RASGEF1A: variants seen among roughly 807,000 people sequenced by gnomAD.
RASGEF1A encodes RasGEF domain family member 1A.
A neutral mutation model predicts 56.4 loss-of-function variants in RASGEF1A; 18 were observed. The observed-to-expected ratio is 0.32, with a 90% CI of 0.22 to 0.47. The LOEUF is 0.47. Ranked by LOEUF, RASGEF1A falls within the 20% of genes least tolerant of loss-of-function variation. RASGEF1A has a pLI of 1.00. For missense variants in RASGEF1A, 422 were observed against 627.1 expected, an observed-to-expected ratio of 0.67 and a Z score of 3.49; for synonymous variants, 245 against 242.6, an observed-to-expected ratio of 1.01 and a Z score of -0.09.
intron 1 of RASGEF1A, among the ~76,000 whole-genome samples, chr10:43,234,374 G>C (rs1840406622): frequency 6.6e-6 from 1 of 152,116 alleles, no homozygotes; most frequent in Non-Finnish European, 1.5e-5. Context: ...AGGCAGAGTT[G>C]GGGCAAACCC....
intron 1 of RASGEF1A, among the ~76,000 whole-genome samples, chr10:43,238,735 T>C (rs1408038729): frequency 6.6e-6 from 1 of 152,112 alleles, no homozygotes; most frequent in Non-Finnish European, 1.5e-5. Flanking sequence ...GTCAGGCTGG[T>C]AGGGCATGTG....
intron 1 of RASGEF1A, among the ~76,000 whole-genome samples, chr10:43,239,600 G>T (rs1272213895): frequency 6.6e-6 from 1 of 152,170 alleles, no homozygotes; most frequent in Non-Finnish European, 1.5e-5. Flanking sequence ...TCCCATCCCT[G>T]ACTCTCTATC....
rs1839770006 is a variant in RASGEF1A, at chr10:43,194,631, C to CAA, written c.*1611_*1612dup. The CAA allele has an allele frequency of 1.3e-5, 2 of 152,228 alleles. No individual in the cohort carries two copies. Among genetic ancestry groups the CAA allele is most frequent in the African/African-American group, 2.4e-5 (1 of 41,436 alleles). 9.4% of individuals were successfully genotyped at this position (152,228 alleles called of 1,614,324 possible). A position where few individuals can be genotyped will look rare whatever the true frequency, so the allele number is the denominator to read the frequency against. On this transcript the variant is annotated 3_prime_UTR_variant, in exon 13 of 13. Coordinates refer to ENST00000395810, the MANE Select transcript of RASGEF1A (RefSeq NM_145313.4). Reference sequence around the variant, plus strand: ...ACAGCTTCATACTCAGAGTTCATCTCAAATACCAAAACATCAAATCAGGGT... The same window carrying CAA: ...ACAGCTTCATACTCAGAGTTCATCTCAAAAATACCAAAACATCAAATCAGGGT...
chr10:43,242,263 C>T (rs78033861), intron 1 of RASGEF1A, among the ~76,000 whole-genome samples: 7,064 of 152,136 alleles, frequency 0.046, 184 homozygotes, highest in South Asian at 0.089. Flanking sequence ...AAAATTGTTA[C>T]TAGAGACAAA....
chr10:43,200,369 C>T (rs960982218), intron 5 of RASGEF1A, 113 bp from the exon 6 acceptor site: 28 of 907,832 alleles, frequency 3.1e-5, no homozygotes, highest in Admixed American at 1.9e-4. Flanking sequence ...AGGACCTTCA[C>T]CTCCTCCCAG....
chr10:43,206,141 G>A lies in RASGEF1A; in HGVS notation c.-6-19C>T, dbSNP rs2133189848. 1 of 1,552,118 alleles carries A rather than the reference G, an allele frequency of 6.4e-7. No homozygotes were observed. The highest frequency in any genetic ancestry group is 1.4e-5 in the African/African-American group (1 of 73,596). On this transcript the variant is annotated intron_variant, in intron 1 of 12. Coordinates refer to ENST00000395810, the MANE Select transcript of RASGEF1A (RefSeq NM_145313.4). Reference sequence around the variant, plus strand: ...TAGTTTCCTGGGAGAAAAGAGCAAGGACATGAGGCATCAAAGGCGCCTCCA... The same window carrying A: ...TAGTTTCCTGGGAGAAAAGAGCAAGAACATGAGGCATCAAAGGCGCCTCCA...
chr10:43,220,818 A>G (rs80011065), intron 1 of RASGEF1A, among the ~76,000 whole-genome samples: 7,113 of 151,884 alleles, frequency 0.047, 186 homozygotes, highest in South Asian at 0.088. Context: ...ACTTATGACA[A>G]GTAACTCAGC....
At chr10:43,202,788 C>T in intron 3 of RASGEF1A, 1 of 456,420 alleles carries the variant, frequency 2.2e-6, no homozygotes. Context: ...GGACCCAACC[C>T]ACAGCTCCAG....
rs1839784039 is a variant in RASGEF1A at position 43,195,557 on chromosome 10, ATT to A, written c.*685_*686del. The A allele has an allele frequency of 1.3e-5, 2 of 152,522 alleles. No homozygotes were observed. The highest frequency in any genetic ancestry group is 4.8e-5 in the African/African-American group (2 of 41,442). 9.4% of individuals were successfully genotyped at this position (152,522 alleles called of 1,614,324 possible). A position where few individuals can be genotyped will look rare whatever the true frequency, so the allele number is the denominator to read the frequency against. The stretch of plus-strand genomic sequence containing the variant: ...CTTTCTAAAATGTAGTTGAAGAATG[ATT>A]TGCTGGACACATTGTCACAGAAAAT... On this transcript the variant is annotated 3_prime_UTR_variant, in exon 13 of 13. Coordinates refer to ENST00000395810, the MANE Select transcript of RASGEF1A (RefSeq NM_145313.4). The surrounding 1 kb of genome is among the most constrained non-coding windows in gnomAD (Gnocchi z 4.2).
At chr10:43,261,846 C>T (rs1348560646) in intron 1 of RASGEF1A, among the ~76,000 whole-genome samples, 2 of 152,216 alleles carry the variant, frequency 1.3e-5, no homozygotes, top group Admixed American at 6.5e-5. Flanking sequence ...CTCAGAGCAC[C>T]GGCCAGAAAA....
chr10:43,253,714 C>T (rs1840652793), intron 1 of RASGEF1A, among the ~76,000 whole-genome samples: 1 of 152,232 alleles, frequency 6.6e-6, no homozygotes, highest in Non-Finnish European at 1.5e-5. Flanking sequence ...ATTCTACCAA[C>T]AGACACCTGC....
At position 43,203,458 on chromosome 10, in the gene RASGEF1A, G is replaced by A. The variant is rs770498790; in HGVS notation, c.199-38C>T. Reference sequence around the variant, plus strand: ...GACGGAGAGAGGGCGGAGGGAGGGTGAGGCAGGCCCCCGGGGGCTCACCGC... The same window carrying A: ...GACGGAGAGAGGGCGGAGGGAGGGTAAGGCAGGCCCCCGGGGGCTCACCGC... On this transcript the variant is annotated intron_variant, in intron 2 of 12. Coordinates refer to ENST00000395810, the MANE Select transcript of RASGEF1A (RefSeq NM_145313.4). The A allele has an allele frequency of 6.7e-5, 99 of 1,486,846 alleles. No individual in the cohort carries two copies. The Middle Eastern group carries it at 1.0e-3, about 16-fold the overall frequency. The allele number at this position is 1,486,846 out of a possible 1,614,324, so 92.1% of individuals were successfully genotyped here. A position where few individuals can be genotyped will look rare whatever the true frequency, so the allele number is the denominator to read the frequency against.
chr10:43,198,894 G>C (rs1368809198), intron 9 of RASGEF1A, 39 bp downstream of exon 9: 1 of 1,579,586 alleles, frequency 6.3e-7, no homozygotes, highest in South Asian at 1.1e-5. Flanking sequence ...GGGACGAAAT[G>C]GGTGCAGCTC....
rs752574052 is a variant in RASGEF1A, at chr10:43,196,228, G to C, written c.*16C>G. On this transcript the variant is annotated 3_prime_UTR_variant, in exon 13 of 13. Transcript: ENST00000395810. The surrounding 1 kb of genome is among the most constrained non-coding windows in gnomAD (Gnocchi z 4.6). Reference sequence around the variant, plus strand: ...TAGTGCACGTGCTTCCTCTGGCGTCGCGGGCTGCATCCGCCTCAGGCTCTG... The same window carrying C: ...TAGTGCACGTGCTTCCTCTGGCGTCCCGGGCTGCATCCGCCTCAGGCTCTG... 1.4e-5 allele frequency: 22 copies of C among 1,612,066 alleles called. No individual in the cohort carries two copies. The highest frequency in any genetic ancestry group is 1.9e-5 in the Non-Finnish European group (22 of 1,178,768).
chr10:43,208,040 T>C (rs1398274575), intron 1 of RASGEF1A: 1 of 985,156 alleles, frequency 1.0e-6, no homozygotes, highest in Non-Finnish European at 1.2e-6. Flanking sequence ...TCAGTGACCA[T>C]TTGTGCAATG....
intron 1 of RASGEF1A, among the ~76,000 whole-genome samples, chr10:43,252,531 G>T (rs1419026250): frequency 6.6e-6 from 1 of 152,076 alleles, no homozygotes; most frequent in Non-Finnish European, 1.5e-5. Context: ...GGTAGTCAGT[G>T]ACTCTGTCTT....
chr10:43,211,821 G>A (rs1564532317), intron 1 of RASGEF1A, among the ~76,000 whole-genome samples: 2 of 152,292 alleles, frequency 1.3e-5, no homozygotes, highest in Admixed American at 6.5e-5. Flanking sequence ...CCACACCCAC[G>A]GGAAGCCTCT....
At chr10:43,199,885 C>A in intron 6 of RASGEF1A, 117 bp from the exon 7 acceptor site, 1 of 888,406 alleles carries the variant, frequency 1.1e-6, no homozygotes. Context: ...CAGCCTCAAT[C>A]ATGCCTGCGT....
At chr10:43,245,400 T>C (rs1840557172) in intron 1 of RASGEF1A, among the ~76,000 whole-genome samples, 1 of 152,126 alleles carries the variant, frequency 6.6e-6, no homozygotes, top group Admixed American at 6.5e-5. Flanking sequence ...AAAAATAGAA[T>C]ACAAAGCACT....
Sources: allele counts gnomAD v4.1 joint callset (sites outside exome capture counted in the v4.1 genomes callset), GRCh38; gene constraint gnomAD v4.1.1; non-coding constraint Gnocchi (gnomAD v3.1); transcripts MANE v1.5; gene names NCBI Gene and HGNC (gene_info 2026-07-23, HGNC 2026-07-21).